EIF2B3: variants seen among roughly 807,000 people sequenced by gnomAD.
EIF2B3 encodes the protein eukaryotic translation initiation factor 2B subunit gamma.
Under a neutral mutation model 54.1 loss-of-function variants are expected in EIF2B3, and 20 were observed. The observed-to-expected ratio is 0.37, with a 90% CI of 0.26 to 0.54. The LOEUF (loss-of-function observed/expected upper bound fraction) is 0.54, where lower values mean the gene tolerates loss of function less well. Ranked by LOEUF, EIF2B3 falls within the 20% of genes least tolerant of loss-of-function variation. The pLI is 0.86. For missense variants in EIF2B3, 448 were observed against 547.8 expected (o/e 0.82, Z 1.82); for synonymous variants, 153 against 188.1 (o/e 0.81, Z 1.52).
chr1:44,868,572 C>T (rs1371569170), intron 10 of EIF2B3, among the ~76,000 whole-genome samples: 3 of 151,262 alleles, frequency 2.0e-5, no homozygotes, highest in Non-Finnish European at 4.4e-5. Flanking sequence ...AGGCAATCTG[C>T]CCACCTCAGC....
intron 3 of EIF2B3, among the ~76,000 whole-genome samples, chr1:44,948,930 C>A (rs758163335): frequency 2.0e-5 from 3 of 152,024 alleles, no homozygotes; most frequent in Non-Finnish European, 4.4e-5. Context: ...TAAAATGGCA[C>A]GATCACGGCT....
rs886046358 is a variant in EIF2B3 at position 44,857,723 on chromosome 1, G to A, written c.1287C>T (p.Gly429=). ...ADIKDCLIGS[G]QRIEAKAKRV... ...GTTTACCTTTGGCTTCAATCCTCTG[G>A]CCACTTCCAATCAAGCAGTCCTTGA... is the stretch of plus-strand genomic sequence containing the variant. Residue 429 remains glycine, a synonymous_variant, in exon 11 of 12, where the codon GGC becomes GGT. Coordinates refer to ENST00000360403, the MANE Select transcript of EIF2B3 (RefSeq NM_020365.5). 1.4e-5 allele frequency: 23 copies of A among 1,613,956 alleles called. No homozygotes were observed. Among genetic ancestry groups the A allele is most frequent in the Non-Finnish European group, 1.9e-5 (22 of 1,180,002 alleles).
intron 2 of EIF2B3, among the ~76,000 whole-genome samples, chr1:44,980,329 T>A (rs1267105551): frequency 6.6e-6 from 1 of 151,958 alleles, no homozygotes; most frequent in Non-Finnish European, 1.5e-5. Flanking sequence ...CCGGGCATGG[T>A]GGAAAATGCC....
chr1:44,906,638 G>A (rs912527429), intron 5 of EIF2B3, among the ~76,000 whole-genome samples: 2 of 152,132 alleles, frequency 1.3e-5, no homozygotes, highest in African/African-American at 4.8e-5. Context: ...GACCTCAGGT[G>A]ATCCGCCCAC....
intron 2 of EIF2B3, among the ~76,000 whole-genome samples, chr1:44,979,492 A>T (rs1345080447): frequency 6.6e-6 from 1 of 150,678 alleles, no homozygotes; most frequent in Non-Finnish European, 1.5e-5. Flanking sequence ...AAAAAAAAAA[A>T]AAAAGGAGGA....
intron 8 of EIF2B3, among the ~76,000 whole-genome samples, chr1:44,879,079 T>C (rs773893704): frequency 6.6e-6 from 1 of 152,144 alleles, no homozygotes; most frequent in Non-Finnish European, 1.5e-5. Context: ...TATTCTCATC[T>C]AAACCCTTTA....
intron 8 of EIF2B3, 21 bp downstream of exon 8, chr1:44,879,797 T>A: frequency 6.2e-7 from 1 of 1,611,772 alleles, no homozygotes; most frequent in Non-Finnish European, 8.5e-7. Context: ...AGCCCCATGA[T>A]TTTCTAACTC....
chr1:44,869,774 C>T (rs1006845453), intron 10 of EIF2B3, among the ~76,000 whole-genome samples: 2 of 151,438 alleles, frequency 1.3e-5, no homozygotes, highest in Non-Finnish European at 2.9e-5. Flanking sequence ...CTAATTTGGC[C>T]AATTCTTTAA....
intron 6 of EIF2B3, among the ~76,000 whole-genome samples, chr1:44,885,519 T>TATTC (rs2148907975): frequency 6.6e-6 from 1 of 152,338 alleles, no homozygotes; most frequent in Admixed American, 6.5e-5. Context: ...GACTTGAAGA[T>TATTC]ATTCATATAA....
chr1:44,899,876 G>A (rs1280968617), intron 5 of EIF2B3, among the ~76,000 whole-genome samples: 2 of 152,166 alleles, frequency 1.3e-5, no homozygotes, highest in Admixed American at 6.5e-5. Flanking sequence ...AAAGACAAGT[G>A]TACTTGCATG....
intron 5 of EIF2B3, among the ~76,000 whole-genome samples, chr1:44,920,038 C>CTT (rs111287818): frequency 7.3e-6 from 1 of 137,798 alleles, no homozygotes; most frequent in African/African-American, 2.7e-5. Flanking sequence ...CTTTTTCTTT[C>CTT]TTTTTTTTTT....
chr1:44,952,023 C>T (rs1314995236), intron 3 of EIF2B3, among the ~76,000 whole-genome samples: 8 of 99,982 alleles, frequency 8.0e-5, no homozygotes, highest in East Asian at 3.1e-4. Flanking sequence ...AGTGCAGTGG[C>T]GGGAACTCGG....
Position 44,951,812 on chromosome 1 carries a change from G to A in EIF2B3, c.295-10147C>T, listed in dbSNP as rs1471744015. Among the ~76,000 whole-genome samples, 3 of 149,132 alleles carry A rather than the reference G, an allele frequency of 2.0e-5. No individual in the cohort carries two copies. In the East Asian group the frequency reaches 5.9e-4, roughly 29 times the overall value. On this transcript the variant is annotated intron_variant, in intron 3 of 11. Transcript: ENST00000360403. ...TCCTCTTTTTTTTTTTTTTGAGACG[G>A]GGTCTCGCTCTGTCACCCAGGCTGG...
chr1:44,921,421 G>C (rs1643735846), intron 5 of EIF2B3, among the ~76,000 whole-genome samples: 1 of 152,090 alleles, frequency 6.6e-6, no homozygotes, highest in Non-Finnish European at 1.5e-5. Context: ...ATTTTGCTTT[G>C]GTTGCCTGTG....
At chr1:44,945,902 C>T (rs1036171262) in intron 3 of EIF2B3, among the ~76,000 whole-genome samples, 2 of 152,114 alleles carry the variant, frequency 1.3e-5, no homozygotes, top group Non-Finnish European at 2.9e-5. Flanking sequence ...ATAAATTGAA[C>T]TATTAAGTAT....
chr1:44,954,155 A>G (rs939192272), intron 3 of EIF2B3, among the ~76,000 whole-genome samples: 2 of 152,214 alleles, frequency 1.3e-5, no homozygotes, highest in Non-Finnish European at 2.9e-5. Flanking sequence ...AAAAAAGACA[A>G]AACAACTCAT....
rs191542560 is a variant in EIF2B3 at position 44,912,452 on chromosome 1, T to A, written c.566+14176A>T. ...AATCATTTCCTTCCTCAAAAGTTTT[T>A]AATAATTCCCTGGTATTCAAGGCTC... On this transcript the variant is annotated intron_variant, in intron 5 of 11. Transcript: ENST00000360403. 5.1e-3 allele frequency among the ~76,000 whole-genome samples: 771 copies of A among 152,320 alleles called. 10 individuals carry two copies. Among genetic ancestry groups the A allele is most frequent in the African/African-American group, 0.018 (741 of 41,574 alleles).
intron 1 of EIF2B3, among the ~76,000 whole-genome samples, chr1:44,982,845 C>A (rs1467065226): frequency 6.6e-6 from 1 of 152,060 alleles, no homozygotes; most frequent in Non-Finnish European, 1.5e-5. Context: ...TCACCACAAC[C>A]TCTGCCTCCC....
At chr1:44,978,155 C>A (rs533963694) in intron 3 of EIF2B3, among the ~76,000 whole-genome samples, 160 bp downstream of exon 3, 1 of 152,074 alleles carries the variant, frequency 6.6e-6, no homozygotes, top group African/African-American at 2.4e-5. Flanking sequence ...TGCTTGAACC[C>A]GGGAGGTGGA....
Sources: gnomAD v4.1 joint callset for allele counts (sites outside exome capture counted in the v4.1 genomes callset) on GRCh38, gnomAD v4.1.1 for gene constraint, MANE v1.5 for transcripts, NCBI Gene and HGNC (gene_info 2026-07-23, HGNC 2026-07-21) for gene names.